Variants in TAFA2 observed in about 807,000 individuals in gnomAD.
TAFA2 encodes chemokine-like protein TAFA-2.
Under a neutral mutation model 18.8 loss-of-function variants are expected in TAFA2, and 7 were observed. The observed-to-expected ratio is 0.37, with a 90% CI of 0.21 to 0.70. The LOEUF (loss-of-function observed/expected upper bound fraction) is 0.70. Ranked by LOEUF, TAFA2 falls within the 30% of genes least tolerant of loss-of-function variation. The pLI is 0.53. For synonymous variants in TAFA2, 60 were observed against 54.2 expected (o/e 1.11, Z -0.47); for missense variants, 122 against 158.1 (o/e 0.77, Z 1.23).
chr12:62,014,182 A>G (rs1446279042), intron 1 of TAFA2, among the ~76,000 whole-genome samples: 2 of 152,252 alleles, frequency 1.3e-5, no homozygotes, highest in African/African-American at 4.8e-5. Flanking sequence ...ACAAAGAATT[A>G]TAAAGCTACA....
At chr12:62,171,381 G>C (rs2062477065) in intron 1 of TAFA2, among the ~76,000 whole-genome samples, 1 of 152,164 alleles carries the variant, frequency 6.6e-6, no homozygotes, top group South Asian at 2.1e-4. Flanking sequence ...GAAAATGCCA[G>C]CTGTGACTAC....
intron 1 of TAFA2, among the ~76,000 whole-genome samples, chr12:62,095,054 C>T (rs1487381795): frequency 6.6e-6 from 1 of 151,990 alleles, no homozygotes; most frequent in African/African-American, 2.4e-5. Context: ...CCCCAGGCAC[C>T]AGGCCACTTA....
chr12:61,769,660 C>G (rs1415843860), intron 2 of TAFA2, among the ~76,000 whole-genome samples: 1 of 151,896 alleles, frequency 6.6e-6, no homozygotes, highest in Non-Finnish European at 1.5e-5. Flanking sequence ...CAGTTCAGCT[C>G]TCAGGAAGCC....
chr12:61,854,028 T>C (rs1424550322), intron 2 of TAFA2, among the ~76,000 whole-genome samples: 1 of 152,156 alleles, frequency 6.6e-6, no homozygotes, highest in African/African-American at 2.4e-5. Flanking sequence ...AGAGCCCTAC[T>C]GCATCATTCT....
At position 62,143,888 on chromosome 12, in the gene TAFA2, C is replaced by CA. The variant is rs890336708; in HGVS notation, c.-2+47370dup. Among the ~76,000 whole-genome samples, 737 of 146,444 alleles carry CA rather than the reference C, an allele frequency of 5.0e-3. 5 individuals carry two copies. The highest frequency in any genetic ancestry group is 0.016 in the African/African-American group (652 of 39,938). Reference sequence around the variant, plus strand: ...CAAAACCCTCTCTCTACAAAAAATACAAAAAAAAAATTAGCTGAGCATGGT... The same window carrying CA: ...CAAAACCCTCTCTCTACAAAAAATACAAAAAAAAAAATTAGCTGAGCATGGT... On this transcript the variant is annotated intron_variant, in intron 1 of 4. Transcript: ENST00000416284.
chr12:61,763,278 G>A (rs1013905738), intron 2 of TAFA2, among the ~76,000 whole-genome samples: 4 of 151,964 alleles, frequency 2.6e-5, no homozygotes, highest in African/African-American at 9.7e-5. Flanking sequence ...AAATTTTGGG[G>A]TGGGAAAAGA....
At position 62,019,011 on chromosome 12, in the gene TAFA2, A is replaced by G. The variant is rs1269418207; in HGVS notation, c.-1-151585T>C. Among the ~76,000 whole-genome samples the G allele has an allele frequency of 2.6e-5, 4 of 152,310 alleles. No homozygotes were observed. The East Asian group carries it at 5.8e-4, about 22-fold the overall frequency. On this transcript the variant is annotated intron_variant, in intron 1 of 4. Transcript: ENST00000416284. ...CAAACAACCCCATCAACAAGTGGGC[A>G]AAGGATATGAACAGACACTTCTCAA...
At chr12:62,132,663 C>T (rs182748607) in intron 1 of TAFA2, among the ~76,000 whole-genome samples, 1 of 151,960 alleles carries the variant, frequency 6.6e-6, no homozygotes, top group African/African-American at 2.4e-5. Flanking sequence ...CAGATGCATA[C>T]ACCTTTATAT....
At chr12:62,065,471 C>G (rs559872586) in intron 1 of TAFA2, among the ~76,000 whole-genome samples, 1 of 152,104 alleles carries the variant, frequency 6.6e-6, no homozygotes, top group African/African-American at 2.4e-5. Context: ...AATGAAAATA[C>G]CAAAACAATG....
intron 2 of TAFA2, among the ~76,000 whole-genome samples, chr12:61,838,581 A>C (rs1873035579): frequency 6.6e-6 from 1 of 151,998 alleles, no homozygotes; most frequent in African/African-American, 2.4e-5. Flanking sequence ...TTGCGCATGT[A>C]CAGGATTTGG....
intron 2 of TAFA2, among the ~76,000 whole-genome samples, chr12:61,833,958 T>C (rs1229160354): frequency 6.6e-6 from 1 of 152,054 alleles, no homozygotes; most frequent in Non-Finnish European, 1.5e-5. Flanking sequence ...GCTCTATTAT[T>C]AGTAAATTTC....
intron 1 of TAFA2, among the ~76,000 whole-genome samples, chr12:61,888,982 G>C (rs932561191): frequency 6.6e-6 from 1 of 152,326 alleles, no homozygotes; most frequent in Admixed American, 6.5e-5. Flanking sequence ...CCCCTGGAGT[G>C]GTTGGAGACT....
intron 1 of TAFA2, among the ~76,000 whole-genome samples, chr12:62,207,842 G>A (rs2062698515): frequency 6.6e-6 from 1 of 152,174 alleles, no homozygotes; most frequent in Admixed American, 6.5e-5. Context: ...GAGTATCTAG[G>A]TATGAAAGAG....
chr12:61,950,269 A>G (rs1461022891), intron 1 of TAFA2, among the ~76,000 whole-genome samples: 1 of 152,126 alleles, frequency 6.6e-6, no homozygotes, highest in Non-Finnish European at 1.5e-5. Flanking sequence ...CAATCATTTT[A>G]GGTCTATACC....
At chr12:61,910,730 T>C (rs980728844) in intron 1 of TAFA2, among the ~76,000 whole-genome samples, 10 of 152,188 alleles carry the variant, frequency 6.6e-5, no homozygotes, top group African/African-American at 2.4e-4. Flanking sequence ...GCAGGAATTG[T>C]TCTGGGTCTT....
At chr12:62,022,087 A>G in intron 1 of TAFA2, 2 of 533,282 alleles carry the variant, frequency 3.8e-6, no homozygotes, top group South Asian at 3.3e-5. Context: ...CAACTGCAGC[A>G]GTCAGTTCCC....
At chr12:62,154,340 G>A (rs936157817) in intron 1 of TAFA2, among the ~76,000 whole-genome samples, 1 of 152,108 alleles carries the variant, frequency 6.6e-6, no homozygotes, top group African/African-American at 2.4e-5. Flanking sequence ...TTTTTTGGAG[G>A]AGACAAAGCT....
At chr12:62,149,999 A>G (rs956529923) in intron 1 of TAFA2, among the ~76,000 whole-genome samples, 8 of 152,150 alleles carry the variant, frequency 5.3e-5, no homozygotes, top group African/African-American at 1.9e-4. Flanking sequence ...ATTCCAAGAA[A>G]CCTGTAATCC....
intron 1 of TAFA2, among the ~76,000 whole-genome samples, chr12:61,900,198 A>T (rs558984059): frequency 2.0e-5 from 3 of 152,364 alleles, no homozygotes; most frequent in African/African-American, 7.2e-5. Context: ...TCACATGTGT[A>T]AGAGTTTTTC....
Sources: gnomAD v4.1 joint callset for allele counts (sites outside exome capture counted in the v4.1 genomes callset) on GRCh38, gnomAD v4.1.1 for gene constraint, MANE v1.5 for transcripts, NCBI Gene and HGNC (gene_info 2026-07-23, HGNC 2026-07-21) for gene names.